The following FKBP1A variants were observed in gnomAD, a reference collection of about 807,000 sequenced individuals.
The protein encoded by FKBP1A is peptidyl-prolyl cis-trans isomerase FKBP1A.
A neutral mutation model predicts 14.2 loss-of-function variants in FKBP1A; 5 were observed. That is an observed-to-expected ratio of 0.35 (90% confidence interval 0.18 to 0.74). The LOEUF (loss-of-function observed/expected upper bound fraction) is 0.74, where lower values mean the gene tolerates loss of function less well. Among genes scored for constraint, FKBP1A ranks in the 30% least tolerant of loss-of-function variants. The pLI is 0.56. For synonymous variants in FKBP1A, 42 were observed against 49.1 expected (o/e 0.86, Z 0.60); for missense variants, 53 against 138.8 (o/e 0.38, Z 3.10).
rs1465970144 is a variant in FKBP1A, at chr20:1,392,819, G to A, written c.85+15C>T. On this transcript the variant is annotated intron_variant, in intron 2 of 4. Transcript: ENST00000400137. Reference sequence around the variant, plus strand: ...CTGCGGCCCGGGCCCCCTCCCCGCTGGGCCCCCGACTCACCGGTGTAGTGC... The same window carrying A: ...CTGCGGCCCGGGCCCCCTCCCCGCTAGGCCCCCGACTCACCGGTGTAGTGC... The A allele has an allele frequency of 6.7e-7, 1 of 1,487,814 alleles. No individual in the cohort carries two copies. Among genetic ancestry groups the A allele is most frequent in the Non-Finnish European group, 8.9e-7 (1 of 1,119,944 alleles). The allele number at this position is 1,487,814 out of a possible 1,614,324, so 92.2% of individuals were successfully genotyped here.
rs76308497 is a variant in FKBP1A, at chr20:1,392,625, C to T, written c.85+209G>A. Reference sequence around the variant, plus strand: ...CAGATAACACCTAGCCCGCAGCCGACGCTCACAGCCGCCGATTCAGACCCG... The same window carrying T: ...CAGATAACACCTAGCCCGCAGCCGATGCTCACAGCCGCCGATTCAGACCCG... On this transcript the variant is annotated intron_variant, in intron 2 of 4. Coordinates refer to ENST00000400137, the MANE Select transcript of FKBP1A (RefSeq NM_000801.5). Among the ~76,000 whole-genome samples the T allele has an allele frequency of 8.8e-3, 1,334 of 152,206 alleles. 17 individuals are homozygous for T. The highest frequency in any genetic ancestry group is 0.03 in the African/African-American group (1,256 of 41,538).
At chr20:1,378,822 T>G (rs1388352493) in intron 2 of FKBP1A, 1 of 152,236 alleles carries the variant, frequency 6.6e-6, no homozygotes, top group East Asian at 1.9e-4. Context: ...TACAATGTAG[T>G]GCTGCCACGA....
At chr20:1,383,774 T>G (rs957945953) in intron 2 of FKBP1A, among the ~76,000 whole-genome samples, 3 of 149,078 alleles carry the variant, frequency 2.0e-5, no homozygotes, top group Non-Finnish European at 4.4e-5. Context: ...AGGTTTGAGG[T>G]TGCAGTGAGC....
intron 2 of FKBP1A, chr20:1,391,780 G>A: frequency 2.5e-6 from 1 of 397,032 alleles, no homozygotes. Context: ...GGGAGGAGGA[G>A]GGGGAACAGA....
intron 2 of FKBP1A, among the ~76,000 whole-genome samples, chr20:1,388,749 GGGGGGC>G (rs1329770303): frequency 3.5e-5 from 3 of 86,070 alleles, no homozygotes; most frequent in Non-Finnish European, 7.6e-5. Flanking sequence ...GCGTGGGTTG[GGGGGGC>G]GGGGGCGGGC....
chr20:1,392,021 G>A (rs2089743615), intron 2 of FKBP1A, among the ~76,000 whole-genome samples: 1 of 152,142 alleles, frequency 6.6e-6, no homozygotes, highest in Admixed American at 6.5e-5. Context: ...AATTCTGGCT[G>A]GGGAGGGGGA....
intron 4 of FKBP1A, chr20:1,371,614 A>G: frequency 1.4e-6 from 1 of 696,912 alleles, no homozygotes; most frequent in African/African-American, 1.9e-5. Context: ...GTAACCACAA[A>G]CCACAGTGAA....
At chr20:1,371,163 A>G (rs1291796037) in intron 4 of FKBP1A, 3 of 985,310 alleles carry the variant, frequency 3.0e-6, no homozygotes, top group Non-Finnish European at 3.6e-6. Flanking sequence ...GCAGGAGGGG[A>G]GCAAATAAAA....
chr20:1,391,446 T>G (rs1232999257), intron 2 of FKBP1A, among the ~76,000 whole-genome samples: 1 of 152,170 alleles, frequency 6.6e-6, no homozygotes, highest in Non-Finnish European at 1.5e-5. Flanking sequence ...TTCACGGACA[T>G]GAGACTGCCT....
rs760364468 is a variant in FKBP1A at position 1,375,472 on chromosome 20, A to G, written c.198+19T>C. ...AGGTAAATACTAGAAAGCAAAACAA[A>G]ACAAATGAGAGAGCATACCTGGGCA... On this transcript the variant is annotated intron_variant, in intron 3 of 4. Transcript: ENST00000400137. The G allele has an allele frequency of 2.0e-5, 32 of 1,565,784 alleles. 1 individual carries two copies. In the South Asian group the frequency reaches 3.4e-4, roughly 17 times the overall value.
At chr20:1,391,066 C>T (rs1166676363) in intron 2 of FKBP1A, among the ~76,000 whole-genome samples, 2 of 152,128 alleles carry the variant, frequency 1.3e-5, no homozygotes, top group Non-Finnish European at 2.9e-5. Flanking sequence ...TGGTGAAGTG[C>T]GGCACTGCCT....
intron 2 of FKBP1A, among the ~76,000 whole-genome samples, chr20:1,381,486 T>C (rs1351569699): frequency 6.6e-6 from 1 of 152,176 alleles, no homozygotes; most frequent in Non-Finnish European, 1.5e-5. Flanking sequence ...ACACTGCTAG[T>C]GGGAATATAA....
intron 3 of FKBP1A, 32 bp downstream of exon 3, chr20:1,375,459 G>C: frequency 6.7e-7 from 1 of 1,496,036 alleles, no homozygotes; most frequent in Non-Finnish European, 9.3e-7. Context: ...GTAAATACTA[G>C]AAAGCAAAAC....
At chr20:1,370,445 C>T (rs920368115) in intron 4 of FKBP1A, 8 of 972,776 alleles carry the variant, frequency 8.2e-6, no homozygotes, top group Middle Eastern at 5.2e-4. Flanking sequence ...CTGGGTTCCA[C>T]TCCCATGATT....
chr20:1,384,539 T>TA (rs778569491), intron 2 of FKBP1A, among the ~76,000 whole-genome samples: 6 of 152,250 alleles, frequency 3.9e-5, no homozygotes, highest in Non-Finnish European at 8.8e-5. Context: ...TGATTTATGT[T>TA]AGAGTTTGAA....
At chr20:1,388,702 C>A (rs1237751543) in intron 2 of FKBP1A, among the ~76,000 whole-genome samples, 2 of 151,956 alleles carry the variant, frequency 1.3e-5, no homozygotes, top group Non-Finnish European at 2.9e-5. Flanking sequence ...CTGCCTTTGC[C>A]CCCAAAAGCC....
chr20:1,380,026 G>A (rs923710090), intron 2 of FKBP1A, among the ~76,000 whole-genome samples: 2 of 152,130 alleles, frequency 1.3e-5, no homozygotes, highest in Non-Finnish European at 2.9e-5. Context: ...TGGTCACGGT[G>A]GAGGACAAGG....
In FKBP1A at chr20:1,379,096, AATTAGCCTT is replaced by A. The variant is rs1458258210; in HGVS notation, c.86-3502_86-3494del. The stretch of plus-strand genomic sequence containing the variant: ...TGGAAAGTACGGTATACCTATAAAA[AATTAGCCTT>A]ATTTCTTGCCAAACTTGAACACGGC... On this transcript the variant is annotated intron_variant, in intron 2 of 4. Coordinates refer to ENST00000400137, the MANE Select transcript of FKBP1A (RefSeq NM_000801.5). The surrounding 1 kb of genome is among the most constrained non-coding windows in gnomAD (Gnocchi z 4.3). Among the ~76,000 whole-genome samples the A allele has an allele frequency of 6.6e-6, 1 of 152,010 alleles. No individual in the cohort carries two copies. The highest frequency in any genetic ancestry group is 2.4e-5 in the African/African-American group (1 of 41,360).
At chr20:1,376,938 A>G (rs778399864) in intron 2 of FKBP1A, 1 of 152,194 alleles carries the variant, frequency 6.6e-6, no homozygotes, top group Non-Finnish European at 1.5e-5. Flanking sequence ...TTGCTTTCTC[A>G]GGAAGCCACT....
Sources: gnomAD v4.1 joint callset for allele counts (sites outside exome capture counted in the v4.1 genomes callset) on GRCh38, gnomAD v4.1.1 for gene constraint, Gnocchi (gnomAD v3.1) non-coding constraint, MANE v1.5 for transcripts, NCBI Gene and HGNC (gene_info 2026-07-23, HGNC 2026-07-21) for gene names.